CD8B2: variants seen among roughly 807,000 people sequenced by gnomAD.
CD8B2 encodes T-cell surface glycoprotein CD8 beta-2 chain.
CD8B2 carries 11 observed loss-of-function variants against 23.7 expected under a neutral mutation model. The observed-to-expected ratio is 0.46, with a 90% confidence interval of 0.29 to 0.77. The LOEUF (loss-of-function observed/expected upper bound fraction) is 0.77, where lower values mean the gene tolerates loss of function less well. CD8B2 is among the 30% of genes least tolerant of loss of function. The probability of loss-of-function intolerance (pLI) is 0.09; values close to 1 mark genes in which losing one functional copy is unlikely to be tolerated. For synonymous variants in CD8B2, 90 were observed against 109.3 expected (o/e 0.82, Z 1.10); for missense variants, 197 against 270.5 (o/e 0.73, Z 1.91).
At chr2:106,534,796 A>G (rs1680060819) in intron 5 of CD8B2, among the ~76,000 whole-genome samples, 1 of 147,156 alleles carries the variant, frequency 6.8e-6, no homozygotes, top group Non-Finnish European at 1.5e-5. Context: ...ATATATTTTT[A>G]AAATTGAGAA....
intron 2 of CD8B2, among the ~76,000 whole-genome samples, chr2:106,494,349 C>T (rs1199536386): frequency 6.6e-6 from 1 of 152,014 alleles, no homozygotes; most frequent in Non-Finnish European, 1.5e-5. Flanking sequence ...GGTTTTGCCA[C>T]GTTGGCCAGG....
chr2:106,533,478 A>G (rs1335520365), intron 5 of CD8B2, among the ~76,000 whole-genome samples: 2 of 152,152 alleles, frequency 1.3e-5, no homozygotes, highest in Admixed American at 6.5e-5. Context: ...GTGAAATCCT[A>G]TGCCTCAGAG....
At chr2:106,543,559 A>G (rs1403079032) in intron 5 of CD8B2, among the ~76,000 whole-genome samples, 1 of 151,900 alleles carries the variant, frequency 6.6e-6, no homozygotes, top group Non-Finnish European at 1.5e-5. Context: ...AACAAAATAA[A>G]GAATATAAAA....
chr2:106,524,953 T>A (rs1679888292), intron 5 of CD8B2, among the ~76,000 whole-genome samples: 1 of 152,100 alleles, frequency 6.6e-6, no homozygotes, highest in African/African-American at 2.4e-5. Context: ...CTTCATCTAC[T>A]CTCCTCAGCC....
chr2:106,529,443 A>G (rs1013847776), intron 5 of CD8B2, among the ~76,000 whole-genome samples: 1 of 152,210 alleles, frequency 6.6e-6, no homozygotes, highest in Non-Finnish European at 1.5e-5. Context: ...CAAGTACCAT[A>G]TGCCCAGAAA....
chr2:106,502,512 G>A lies in CD8B2; in HGVS notation c.532G>A (p.Ala178Thr). 5 of 1,585,426 alleles carry A rather than the reference G, an allele frequency of 3.2e-6. No individual in the cohort carries two copies. Among genetic ancestry groups the A allele is most frequent in the Admixed American group, 1.8e-5 (1 of 56,172 alleles). ...CCCCGTCACCCTTGGCCTGCTGGTGGCTGGCGTCCTGGTTCTGCTGGTTTC... is the reference window on the plus strand; with the variant it reads ...CCCCGTCACCCTTGGCCTGCTGGTGACTGGCGTCCTGGTTCTGCTGGTTTC... ...CSPVTLGLLV[A>T]GVLVLLVSLG... The change falls in exon 4 of 6, where the codon GCT becomes ACT. Residue 178 changes from alanine (A) to threonine (T), a missense_variant. This residue lies in a region of CD8B2 where 35 missense variants were observed against 82.9 expected (regional missense o/e 0.42). Coordinates refer to ENST00000643224, the MANE Select transcript of CD8B2 (RefSeq NM_001349727.2).
intron 5 of CD8B2, among the ~76,000 whole-genome samples, chr2:106,532,866 C>G (rs989307507): frequency 1.3e-5 from 2 of 152,202 alleles, no homozygotes; most frequent in Non-Finnish European, 2.9e-5. Context: ...GACCTCCTAT[C>G]TCATTCTTTG....
In CD8B2 at chr2:106,487,465, G is replaced by C; in HGVS notation, c.39G>C (p.Leu13=). Residue 13 remains leucine (L), a synonymous_variant, in exon 1 of 6, where the codon CTG becomes CTC. Transcript: ENST00000643224. ...TGTGGCTCCTCCTGGCCGCGCAGCTGACAGGTAAGGCGGCGGCGCGCGGGC... is the reference window on the plus strand; with the variant it reads ...TGTGGCTCCTCCTGGCCGCGCAGCTCACAGGTAAGGCGGCGGCGCGCGGGC... ...PRLWLLLAAQ[L]TVLHGNSVLQ... is the part of the protein sequence containing the mutation. 1.6e-6 allele frequency: 2 copies of C among 1,247,584 alleles called. No individual in the cohort carries two copies. The highest frequency in any genetic ancestry group is 6.2e-4 in the Middle Eastern group (2 of 3,236). 77.3% of individuals were successfully genotyped at this position (1,247,584 alleles called of 1,614,324 possible).
intron 5 of CD8B2, among the ~76,000 whole-genome samples, chr2:106,520,039 T>C (rs1480922074): frequency 6.6e-6 from 1 of 152,186 alleles, no homozygotes; most frequent in African/African-American, 2.4e-5. Context: ...CCTATGGCCC[T>C]AGTTAGACAA....
intron 2 of CD8B2, among the ~76,000 whole-genome samples, chr2:106,493,149 C>A (rs1679225955): frequency 2.0e-5 from 3 of 152,170 alleles, no homozygotes; most frequent in Admixed American, 6.6e-5. Context: ...ACCTGCTTCT[C>A]CCCAGGGCTT....
chr2:106,515,682 C>G (rs1025003903), downstream of CD8B2, among the ~76,000 whole-genome samples: 1 of 152,144 alleles, frequency 6.6e-6, no homozygotes, highest in African/African-American at 2.4e-5. Context: ...TATAGTGACC[C>G]AAACAGACTA....
At chr2:106,493,045 G>A (rs550289819) in intron 2 of CD8B2, among the ~76,000 whole-genome samples, 47 of 152,122 alleles carry the variant, frequency 3.1e-4, no homozygotes, top group African/African-American at 7.9e-4. Context: ...CATCCCAACC[G>A]CACTCACTCC....
At chr2:106,520,686 A>G (rs1204182327) in intron 5 of CD8B2, among the ~76,000 whole-genome samples, 2 of 152,112 alleles carry the variant, frequency 1.3e-5, no homozygotes, top group Non-Finnish European at 2.9e-5. Flanking sequence ...GAGGTCCAAC[A>G]TGGTGAAACC....
chr2:106,523,893 G>A (rs1019000103), intron 5 of CD8B2, among the ~76,000 whole-genome samples: 18 of 152,186 alleles, frequency 1.2e-4, no homozygotes, highest in Non-Finnish European at 2.2e-4. Context: ...TTGTCTAGAT[G>A]TGGTGATCTG....
At chr2:106,511,811 T>C (rs918118200), downstream of CD8B2, among the ~76,000 whole-genome samples, 12 of 152,174 alleles carry the variant, frequency 7.9e-5, no homozygotes, top group African/African-American at 2.9e-4. Context: ...CCTGGAGTCC[T>C]CCCAGTTACA....
In CD8B2 at chr2:106,493,450, G is replaced by A. The variant is rs1160265425; in HGVS notation, c.403+2217G>A. 2.0e-5 allele frequency among the ~76,000 whole-genome samples: 3 copies of A among 152,288 alleles called. No homozygotes were observed. In the East Asian group the frequency reaches 5.8e-4, roughly 29 times the overall value. ...GACCCAGGCGGCGGTGCCCAGCCAA[G>A]GCACTGAGGGCCCAAAGAGTTGGCT... On this transcript the variant is annotated intron_variant, in intron 2 of 5. Transcript: ENST00000643224.
chr2:106,538,326 G>T (rs1680120947), intron 5 of CD8B2, among the ~76,000 whole-genome samples: 1 of 152,206 alleles, frequency 6.6e-6, no homozygotes, highest in South Asian at 2.1e-4. Flanking sequence ...TGTAGGCTAT[G>T]TATACATGAA....
intron 2 of CD8B2, among the ~76,000 whole-genome samples, chr2:106,494,214 C>A (rs1439372809): frequency 6.8e-6 from 1 of 148,042 alleles, no homozygotes; most frequent in Non-Finnish European, 1.5e-5. Flanking sequence ...GTGGCAGGAT[C>A]TTGGCTGACT....
At chr2:106,542,900 C>G (rs1680199373) in intron 5 of CD8B2, 1 of 152,060 alleles carries the variant, frequency 6.6e-6, no homozygotes, top group Admixed American at 6.6e-5. Flanking sequence ...CCGTACGTTG[C>G]TCGGGGTCAG....
Sources: gnomAD v4.1 joint callset for allele counts (sites outside exome capture counted in the v4.1 genomes callset) on GRCh38, gnomAD v4.1.1 for gene constraint, gnomAD v4.1.1 regional missense constraint, MANE v1.5 for transcripts, NCBI Gene and HGNC (gene_info 2026-07-23, HGNC 2026-07-21) for gene names.